The following KANSL1L variants were observed in gnomAD, a reference collection of about 807,000 sequenced individuals.
KANSL1L encodes the protein KAT8 regulatory NSL complex subunit 1 like, also known as KAT8 regulatory NSL complex subunit 1-like protein.
In KANSL1L, 25 loss-of-function variants were observed where a neutral mutation model predicts 108.6. The ratio of observed to expected loss-of-function variants is 0.23; its 90% CI spans 0.17 to 0.32. The LOEUF (loss-of-function observed/expected upper bound fraction) is 0.32, where lower values mean the gene tolerates loss of function less well. Among genes scored for constraint, KANSL1L ranks in the 10% least tolerant of loss-of-function variants. The pLI is 1.00. For synonymous variants in KANSL1L, 405 were observed against 395.1 expected, an observed-to-expected ratio of 1.03 and a Z score of -0.30; for missense variants, 1,137 against 1,125.7, an observed-to-expected ratio of 1.01 and a Z score of -0.14.
chr2:210,097,066 C>G (rs950923982), intron 5 of KANSL1L: 2 of 187,744 alleles, frequency 1.1e-5, no homozygotes, highest in African/African-American at 2.4e-5. Flanking sequence ...GCCTCAGGCT[C>G]TTGAGTAGCT....
At chr2:210,027,136 T>C (rs1244897658) in intron 12 of KANSL1L, among the ~76,000 whole-genome samples, 160 bp downstream of exon 12, 2 of 152,222 alleles carry the variant, frequency 1.3e-5, no homozygotes, top group Non-Finnish European at 2.9e-5. Flanking sequence ...AAAACATTTT[T>C]CGAATATTCT....
At chr2:210,062,793 G>A (rs1180384116) in intron 6 of KANSL1L, among the ~76,000 whole-genome samples, 1 of 152,250 alleles carries the variant, frequency 6.6e-6, no homozygotes, top group South Asian at 2.1e-4. Flanking sequence ...CTTGGGTGCT[G>A]TTAAAGGTGT....
At chr2:210,066,259 G>A (rs1331643192) in intron 6 of KANSL1L, among the ~76,000 whole-genome samples, 1 of 152,164 alleles carries the variant, frequency 6.6e-6, no homozygotes, top group East Asian at 1.9e-4. Flanking sequence ...GCATCCAGAT[G>A]GCTAACCCCA....
chr2:210,137,515 A>AGAATGG (rs1210217578), intron 2 of KANSL1L, among the ~76,000 whole-genome samples: 2 of 152,248 alleles, frequency 1.3e-5, no homozygotes, highest in Non-Finnish European at 2.9e-5. Context: ...ATGCTGTAAC[A>AGAATGG]GAATGAATTA....
chr2:210,046,083 T>C (rs550333523), intron 6 of KANSL1L, among the ~76,000 whole-genome samples: 2 of 152,306 alleles, frequency 1.3e-5, no homozygotes, highest in African/African-American at 4.8e-5. Context: ...CCTCAAATGA[T>C]GGAAGGAAGA....
intron 2 of KANSL1L, among the ~76,000 whole-genome samples, chr2:210,143,384 A>G (rs2095243685): frequency 6.6e-6 from 1 of 152,102 alleles, no homozygotes; most frequent in Non-Finnish European, 1.5e-5. Context: ...CTGGGTCTTA[A>G]AAAAAATCCA....
At chr2:210,163,634 A>G (rs960786214) in intron 1 of KANSL1L, among the ~76,000 whole-genome samples, 5 of 152,212 alleles carry the variant, frequency 3.3e-5, no homozygotes, top group African/African-American at 1.2e-4. Context: ...AATTAATGTC[A>G]GACACCAAAC....
chr2:210,068,291 T>C (rs1403763480), intron 6 of KANSL1L, among the ~76,000 whole-genome samples: 1 of 151,980 alleles, frequency 6.6e-6, no homozygotes, highest in East Asian at 1.9e-4. Flanking sequence ...AGTTATCTCT[T>C]TTTTCTTGTT....
At position 210,123,031 on chromosome 2, in the gene KANSL1L, G is replaced by A. The variant is rs1038882788; in HGVS notation, c.1230+6000C>T. Among the ~76,000 whole-genome samples, 5 of 152,214 alleles carry A rather than the reference G, an allele frequency of 3.3e-5. No individual in the cohort carries two copies. In the South Asian group the frequency reaches 8.3e-4, roughly 25 times the overall value. ...CAGTTAAAATAGCTTCTATCCAAAG[G>A]TCAGGGAATAAAACATGCTGGCAAA... On this transcript the variant is annotated intron_variant, in intron 3 of 14. Transcript: ENST00000281772.
intron 1 of KANSL1L, chr2:210,170,311 G>A (rs1036804891): frequency 1.0e-6 from 1 of 965,530 alleles, no homozygotes; most frequent in Non-Finnish European, 1.2e-6. Context: ...CTGAAGTTTG[G>A]GGAATCAAAA....
At chr2:210,036,373 G>A (rs1254508300) in intron 8 of KANSL1L, among the ~76,000 whole-genome samples, 2 of 151,914 alleles carry the variant, frequency 1.3e-5, no homozygotes, top group African/African-American at 4.8e-5. Context: ...GTAGAGACAG[G>A]GTTTTACCAT....
intron 3 of KANSL1L, among the ~76,000 whole-genome samples, chr2:210,128,427 A>ATC (rs2095089009): frequency 6.6e-6 from 1 of 152,214 alleles, no homozygotes; most frequent in African/African-American, 2.4e-5. Context: ...TTAGTCTTAA[A>ATC]AAGGAAAGAA....
chr2:210,058,620 T>G (rs1575441628), intron 6 of KANSL1L, among the ~76,000 whole-genome samples: 1 of 151,974 alleles, frequency 6.6e-6, no homozygotes, highest in Non-Finnish European at 1.5e-5. Context: ...GATCACGAGG[T>G]CAGGAGATCG....
At chr2:210,072,136 A>G (rs1428277598) in intron 6 of KANSL1L, among the ~76,000 whole-genome samples, 6 of 152,190 alleles carry the variant, frequency 3.9e-5, no homozygotes, top group Admixed American at 3.9e-4. Flanking sequence ...TCTAGATCAT[A>G]TATTCATTTA....
At chr2:210,070,151 G>C (rs191330565) in intron 6 of KANSL1L, among the ~76,000 whole-genome samples, 13 of 147,794 alleles carry the variant, frequency 8.8e-5, no homozygotes, top group Non-Finnish European at 1.9e-4. Context: ...TCTTTAACTT[G>C]TGGAAGCATA....
chr2:210,102,530 A>G (rs900691971), intron 4 of KANSL1L, among the ~76,000 whole-genome samples: 1 of 152,174 alleles, frequency 6.6e-6, no homozygotes, highest in African/African-American at 2.4e-5. Flanking sequence ...TGAACAGGCA[A>G]CCTACAGAAT....
intron 6 of KANSL1L, among the ~76,000 whole-genome samples, chr2:210,046,119 G>A (rs2094220155): frequency 1.3e-5 from 2 of 152,074 alleles, no homozygotes; most frequent in South Asian, 4.1e-4. Context: ...TTTTATAAGG[G>A]CACTAATTCC....
chr2:210,144,887 CGTTG>C (rs1310466355), intron 2 of KANSL1L, among the ~76,000 whole-genome samples: 1 of 152,136 alleles, frequency 6.6e-6, no homozygotes, highest in Non-Finnish European at 1.5e-5. Context: ...TGGCTTTTCA[CGTTG>C]CTTGTTACTT....
chr2:210,117,675 T>A (rs1453259818), intron 3 of KANSL1L, among the ~76,000 whole-genome samples: 1 of 151,634 alleles, frequency 6.6e-6, no homozygotes, highest in Non-Finnish European at 1.5e-5. Flanking sequence ...AACTTTTCAC[T>A]AGACTAAGAA....
Sources: gnomAD v4.1 joint callset for allele counts (sites outside exome capture counted in the v4.1 genomes callset) on GRCh38, gnomAD v4.1.1 for gene constraint, MANE v1.5 for transcripts, NCBI Gene and HGNC (gene_info 2026-07-23, HGNC 2026-07-21) for gene names.